The following POU2F3 variants were observed in gnomAD, a reference collection of about 807,000 sequenced individuals.
POU2F3 encodes POU class 2 homeobox 3.
Under a neutral mutation model 59.2 loss-of-function variants are expected in POU2F3, and 23 were observed. The ratio of observed to expected loss-of-function variants is 0.39; its 90% CI spans 0.28 to 0.55. POU2F3 has a LOEUF of 0.55. POU2F3 is among the 20% of genes least tolerant of loss of function. The pLI is 0.66. For missense variants in POU2F3, 473 were observed against 544.5 expected (o/e 0.87, Z 1.31); for synonymous variants, 190 against 214.6 (o/e 0.89, Z 1.00).
At chr11:120,305,965 C>T (rs892129090) in intron 8 of POU2F3, among the ~76,000 whole-genome samples, 180 bp downstream of exon 8, 8 of 151,944 alleles carry the variant, frequency 5.3e-5, no homozygotes, top group African/African-American at 1.5e-4. Flanking sequence ...AGTGTCAGCT[C>T]GACTACTGAG....
chr11:120,306,469 A>T (rs74827686), intron 8 of POU2F3, among the ~76,000 whole-genome samples: 68 of 152,234 alleles, frequency 4.5e-4, no homozygotes, highest in Non-Finnish European at 7.4e-4. Context: ...GTTACCAGGG[A>T]CTGGCCTATG....
intron 3 of POU2F3, among the ~76,000 whole-genome samples, chr11:120,288,816 T>G (rs1940917534): frequency 6.7e-6 from 1 of 149,470 alleles, no homozygotes; most frequent in African/African-American, 2.6e-5. Context: ...CATACGCACA[T>G]GTATGTATTA....
At chr11:120,283,326 A>T (rs1940648055) in intron 3 of POU2F3, among the ~76,000 whole-genome samples, 1 of 152,188 alleles carries the variant, frequency 6.6e-6, no homozygotes, top group Admixed American at 6.5e-5. Context: ...CCTGGGAGAG[A>T]CAGGTGCTTT....
chr11:120,236,643 A>T, upstream of POU2F3: 1 of 1,469,950 alleles, frequency 6.8e-7, no homozygotes, highest in South Asian at 1.2e-5. Context: ...TCTCTATCTC[A>T]CTCCAGCCCA....
chr11:120,269,144 T>C (rs573546895), intron 2 of POU2F3, 66 bp from the exon 3 acceptor site: 1 of 1,342,776 alleles, frequency 7.4e-7, no homozygotes, highest in South Asian at 1.3e-5. Context: ...ATCCTAGTTT[T>C]TTTCTAACCT....
chr11:120,262,504 G>C (rs1283543449), intron 2 of POU2F3, among the ~76,000 whole-genome samples: 1 of 152,136 alleles, frequency 6.6e-6, no homozygotes, highest in Non-Finnish European at 1.5e-5. Flanking sequence ...CTAAATAAGG[G>C]AATATGCATC....
At chr11:120,259,999 T>C (rs1342797512) in intron 2 of POU2F3, among the ~76,000 whole-genome samples, 5 of 152,212 alleles carry the variant, frequency 3.3e-5, no homozygotes, top group African/African-American at 1.2e-4. Flanking sequence ...AAGGTCCCAG[T>C]AGCTTAATGG....
chr11:120,237,256 A>C (rs1416771275), upstream of POU2F3, among the ~76,000 whole-genome samples: 1 of 152,158 alleles, frequency 6.6e-6, no homozygotes, highest in Non-Finnish European at 1.5e-5. Context: ...CGTAGGAAGC[A>C]CTCAATCTAT....
At chr11:120,267,533 C>T (rs970737539) in intron 2 of POU2F3, among the ~76,000 whole-genome samples, 5 of 132,192 alleles carry the variant, frequency 3.8e-5, no homozygotes, top group Non-Finnish European at 7.6e-5. Flanking sequence ...CCTCTGCTGC[C>T]ACCTTGCCAG....
chr11:120,274,108 A>G lies in POU2F3; in HGVS notation c.132+4864A>G, dbSNP rs5007113. On this transcript the variant is annotated intron_variant, in intron 3 of 12. Transcript: ENST00000543440. ...GAAAGAAAGGAAGGAAGGAAGGAAG[A>G]AAGGAAGGAAGGAAGGAAGGAAGGA... 4.1e-3 allele frequency among the ~76,000 whole-genome samples: 478 copies of G among 116,134 alleles called. 1 individual carries two copies. The highest frequency in any genetic ancestry group is 0.012 in the Middle Eastern group (3 of 250). The allele number at this position is 116,134 out of a possible 152,430, so 76.2% of individuals were successfully genotyped here. A position where few individuals can be genotyped will look rare whatever the true frequency, so the allele number is the denominator to read the frequency against.
chr11:120,302,644 A>G (rs528323099), intron 6 of POU2F3: 7 of 427,054 alleles, frequency 1.6e-5, no homozygotes, highest in African/African-American at 1.2e-4. Flanking sequence ...AACCCTGCAC[A>G]GGCCCCAGCA....
Position 120,240,311 on chromosome 11 carries a change from G to A in POU2F3, c.-33G>A. 2.2e-6 allele frequency: 3 copies of A among 1,362,474 alleles called. No homozygotes were observed. Among genetic ancestry groups the A allele is most frequent in the Non-Finnish European group, 2.9e-6 (3 of 1,047,088 alleles). 84.4% of individuals were successfully genotyped at this position (1,362,474 alleles called of 1,614,324 possible). ...GCTGGGGCAGAGGCGAGGGGCCTGG[G>A]GGGGCGCTGGCTTTGGCCCCGCCTG... On this transcript the variant is annotated 5_prime_UTR_variant, in exon 1 of 13. Coordinates refer to ENST00000543440, the MANE Select transcript of POU2F3 (RefSeq NM_014352.4).
Position 120,246,483 on chromosome 11 carries a change from G to T in POU2F3, c.63G>T (p.Thr21=). Residue 21 remains threonine (T), a synonymous_variant, in exon 2 of 13, where the codon ACG becomes ACT. Transcript: ENST00000543440. The part of the protein sequence containing the change: ...IKMSGDVADS[T]DARSTLSQVE... Reference sequence around the variant, plus strand: ...TGAGTGGGGATGTAGCCGATTCCACGGATGCTCGCAGCACTCTCAGCCAGG... The same window carrying T: ...TGAGTGGGGATGTAGCCGATTCCACTGATGCTCGCAGCACTCTCAGCCAGG... 2 of 1,613,816 alleles carry T rather than the reference G, an allele frequency of 1.2e-6. No homozygotes were observed. The highest frequency in any genetic ancestry group is 1.7e-6 in the Non-Finnish European group (2 of 1,179,976).
At chr11:120,298,557 C>T (rs1292317979) in intron 4 of POU2F3, among the ~76,000 whole-genome samples, 167 bp downstream of exon 4, 2 of 152,066 alleles carry the variant, frequency 1.3e-5, no homozygotes, top group Non-Finnish European at 2.9e-5. Context: ...ACAGGTGAAG[C>T]CTAGCTAGGG....
At chr11:120,267,109 G>A (rs2015914) in intron 2 of POU2F3, among the ~76,000 whole-genome samples, 67,664 of 151,430 alleles carry the variant, frequency 0.45, 18,343 homozygotes, top group East Asian at 1. Context: ...GGTCCTTCCC[G>A]TCTTTAGCTC....
In POU2F3 at chr11:120,318,616, C is replaced by T; in HGVS notation, c.*224C>T. The T allele has an allele frequency of 2.0e-6, 1 of 505,470 alleles. No individual in the cohort carries two copies. The highest frequency in any genetic ancestry group is 3.5e-6 in the Non-Finnish European group (1 of 288,560). The allele number at this position is 505,470 out of a possible 1,614,324, so 31.3% of individuals were successfully genotyped here. The stretch of plus-strand genomic sequence containing the variant: ...ATGCTCTTGAAATACACAGCCCCTC[C>T]TAGGAGCTTACCATTTTCACCTTCC... On this transcript the variant is annotated 3_prime_UTR_variant, in exon 13 of 13. Transcript: ENST00000543440.
chr11:120,254,611 T>A (rs111602400), intron 2 of POU2F3, among the ~76,000 whole-genome samples: 3 of 152,316 alleles, frequency 2.0e-5, no homozygotes, highest in Admixed American at 6.5e-5. Flanking sequence ...CCATTCCTCA[T>A]AGGCTTTGGT....
chr11:120,240,320 G>A lies in POU2F3; in HGVS notation c.-24G>A. The A allele has an allele frequency of 7.3e-7, 1 of 1,373,570 alleles. No homozygotes were observed. The highest frequency in any genetic ancestry group is 9.5e-7 in the Non-Finnish European group (1 of 1,052,680). 85.1% of individuals were successfully genotyped at this position (1,373,570 alleles called of 1,614,324 possible). ...GAGGCGAGGGGCCTGGGGGGGCGCT[G>A]GCTTTGGCCCCGCCTGGGGCAGGAT... On this transcript the variant is annotated 5_prime_UTR_variant, in exon 1 of 13. Transcript: ENST00000543440.
chr11:120,256,657 C>A (rs1426776328), intron 2 of POU2F3: 1 of 152,154 alleles, frequency 6.6e-6, no homozygotes, highest in South Asian at 2.1e-4. Flanking sequence ...TCATGTTGAT[C>A]CTAACTCAAG....
Sources: allele counts gnomAD v4.1 joint callset (sites outside exome capture counted in the v4.1 genomes callset), GRCh38; gene constraint gnomAD v4.1.1; transcripts MANE v1.5; gene names NCBI Gene and HGNC (gene_info 2026-07-23, HGNC 2026-07-21).